BAZ1A: variants seen among roughly 807,000 people sequenced by gnomAD.
BAZ1A encodes bromodomain adjacent to zinc finger domain protein 1A.
In BAZ1A, 50 loss-of-function variants were observed where a neutral mutation model predicts 185.2. The ratio of observed to expected loss-of-function variants is 0.27; its 90% CI spans 0.22 to 0.34. The LOEUF (loss-of-function observed/expected upper bound fraction) is 0.34, where lower values mean the gene tolerates loss of function less well. BAZ1A is among the 10% of genes least tolerant of loss of function. The pLI is 1.00. For missense variants in BAZ1A, 1,356 were observed against 1,839.9 expected (o/e 0.74, Z 4.81); for synonymous variants, 571 against 615.6 (o/e 0.93, Z 1.07).
intron 4 of BAZ1A, among the ~76,000 whole-genome samples, chr14:34,822,626 C>CA (rs2042105092): frequency 6.6e-6 from 1 of 151,834 alleles, no homozygotes; most frequent in Non-Finnish European, 1.5e-5. Flanking sequence ...AAAACAGAAA[C>CA]AAAAAACAAA....
intron 3 of BAZ1A, among the ~76,000 whole-genome samples, chr14:34,840,427 A>G (rs1451941677): frequency 6.6e-6 from 1 of 152,170 alleles, no homozygotes; most frequent in Non-Finnish European, 1.5e-5. Flanking sequence ...CAACTGAAAG[A>G]ATTTACAATG....
chr14:34,783,368 C>CTTT (rs201307518), intron 15 of BAZ1A, 136 bp from the exon 16 acceptor site: 637 of 368,942 alleles, frequency 1.7e-3, no homozygotes, highest in South Asian at 5.3e-3. Flanking sequence ...CATTCATAAG[C>CTTT]TTTTTTTTTT....
At chr14:34,868,748 C>A (rs1182658760) in intron 2 of BAZ1A, among the ~76,000 whole-genome samples, 1 of 151,618 alleles carries the variant, frequency 6.6e-6, no homozygotes, top group Non-Finnish European at 1.5e-5. Context: ...TTGCAGTGAG[C>A]CGAGATGGAG....
intron 2 of BAZ1A, among the ~76,000 whole-genome samples, chr14:34,871,599 G>A (rs897940176): frequency 2.6e-5 from 4 of 152,244 alleles, no homozygotes; most frequent in Non-Finnish European, 4.4e-5. Context: ...CAGGCCAAGT[G>A]CGGTGGCTCA....
chr14:34,842,485 TC>T (rs1410731799), intron 3 of BAZ1A, among the ~76,000 whole-genome samples: 1 of 152,184 alleles, frequency 6.6e-6, no homozygotes, highest in African/African-American at 2.4e-5. Flanking sequence ...GAAGCATTTT[TC>T]TCTTTGCTTC....
intron 25 of BAZ1A, chr14:34,758,482 A>T (rs1458101332): frequency 4.9e-6 from 2 of 411,460 alleles, no homozygotes; most frequent in African/African-American, 2.1e-5. Context: ...CAGGAAGCTG[A>T]GGCAGGAGAA....
chr14:34,818,818 T>C (rs1403804942), intron 4 of BAZ1A, among the ~76,000 whole-genome samples: 1 of 152,060 alleles, frequency 6.6e-6, no homozygotes, highest in Non-Finnish European at 1.5e-5. Context: ...AAAAATTGTA[T>C]GCTGAGGTTG....
Position 34,774,346 on chromosome 14 carries a change from C to T in BAZ1A, c.2978G>A (p.Gly993Glu), listed in dbSNP as rs1202785330. The T allele has an allele frequency of 6.2e-7, 1 of 1,611,354 alleles. No homozygotes were observed. The highest frequency in any genetic ancestry group is 8.5e-7 in the Non-Finnish European group (1 of 1,179,266). Residue 993 changes from glycine to glutamate, a missense_variant, in exon 19 of 27, where the codon GGA (glycine) becomes GAA (glutamate). Physicochemically the swap from Gly to Glu is moderately conservative, Grantham distance 98. Transcript: ENST00000360310. ...LLDIEDRIYQGTLGAIKVTDR... is the reference protein window; with the variant it reads ...LLDIEDRIYQETLGAIKVTDR... ...ACAAACCTTGATGGCTCCTAATGTTCCTTGGTAGATTCTATCTTCAATATC... is the reference window on the plus strand; with the variant it reads ...ACAAACCTTGATGGCTCCTAATGTTTCTTGGTAGATTCTATCTTCAATATC...
intron 4 of BAZ1A, among the ~76,000 whole-genome samples, chr14:34,816,091 T>TA: frequency 7.2e-6 from 1 of 139,134 alleles, no homozygotes; most frequent in East Asian, 2.0e-4. Flanking sequence ...TTTTTTTTTT[T>TA]TTTTTTTTTT....
rs114953205 is a variant in BAZ1A at position 34,816,805 on chromosome 14, A to G, written c.537-5769T>C. On this transcript the variant is annotated intron_variant, in intron 4 of 26. Coordinates refer to ENST00000360310, the MANE Select transcript of BAZ1A (RefSeq NM_013448.3). ...TCTATCAATTTAGTTCAGATTCCAGAGAATTTGTGATTGTAGATCAACTTC... is the reference window on the plus strand; with the variant it reads ...TCTATCAATTTAGTTCAGATTCCAGGGAATTTGTGATTGTAGATCAACTTC... 616 of 443,206 alleles carry G rather than the reference A, an allele frequency of 1.4e-3. 4 individuals carry two copies. Among genetic ancestry groups the G allele is most frequent in the African/African-American group, 0.011 (542 of 49,692 alleles). 27.5% of individuals were successfully genotyped at this position (443,206 alleles called of 1,614,324 possible).
intron 3 of BAZ1A, among the ~76,000 whole-genome samples, chr14:34,832,879 A>C (rs1594886171): frequency 6.6e-6 from 1 of 152,252 alleles, no homozygotes; most frequent in East Asian, 1.9e-4. Flanking sequence ...TCATAGCAGT[A>C]TTATTCACAA....
chr14:34,798,336 T>C (rs911602537), intron 9 of BAZ1A, among the ~76,000 whole-genome samples: 1 of 152,230 alleles, frequency 6.6e-6, no homozygotes, highest in African/African-American at 2.4e-5. Context: ...GCTCCTAGCA[T>C]GGTTTTTGAA....
chr14:34,791,224 T>C (rs530428295), intron 12 of BAZ1A, among the ~76,000 whole-genome samples: 129 of 152,294 alleles, frequency 8.5e-4, no homozygotes, highest in African/African-American at 3.0e-3. Flanking sequence ...TTTATACTGA[T>C]TTTCCCATAC....
At chr14:34,795,856 C>T in intron 9 of BAZ1A, 91 bp from the exon 10 acceptor site, 1 of 938,988 alleles carries the variant, frequency 1.1e-6, no homozygotes, top group Non-Finnish European at 1.6e-6. Flanking sequence ...AATGCAAATA[C>T]TTGGACCTTA....
chr14:34,790,675 CAG>C (rs1880784481), intron 12 of BAZ1A, among the ~76,000 whole-genome samples: 2 of 152,058 alleles, frequency 1.3e-5, no homozygotes, highest in Admixed American at 1.3e-4. Context: ...TTTGTAGAGA[CAG>C]GGGTCTCACT....
intron 3 of BAZ1A, among the ~76,000 whole-genome samples, chr14:34,855,435 C>A (rs1244909903): frequency 6.6e-6 from 1 of 152,208 alleles, no homozygotes; most frequent in African/African-American, 2.4e-5. Flanking sequence ...CAGAGTCACT[C>A]TGAACCTATT....
chr14:34,799,275 C>T (rs1881374944), intron 9 of BAZ1A, among the ~76,000 whole-genome samples: 1 of 151,298 alleles, frequency 6.6e-6, no homozygotes, highest in Non-Finnish European at 1.5e-5. Context: ...AAGAGAAATA[C>T]CTAATGTAAA....
chr14:34,822,378 C>A (rs947452102), intron 4 of BAZ1A, among the ~76,000 whole-genome samples: 1 of 152,036 alleles, frequency 6.6e-6, no homozygotes, highest in Non-Finnish European at 1.5e-5. Flanking sequence ...AATCCCAACA[C>A]TTTAGGAGGT....
At chr14:34,778,224 C>T (rs977333611) in intron 17 of BAZ1A, among the ~76,000 whole-genome samples, 1 of 152,198 alleles carries the variant, frequency 6.6e-6, no homozygotes, top group African/African-American at 2.4e-5. Flanking sequence ...TTTCCTCCTT[C>T]CCATTTCCAC....
Sources: gnomAD v4.1 joint callset for allele counts (sites outside exome capture counted in the v4.1 genomes callset) on GRCh38, gnomAD v4.1.1 for gene constraint, MANE v1.5 for transcripts, NCBI Gene and HGNC (gene_info 2026-07-23, HGNC 2026-07-21) for gene names.